Variants in KAZN observed in about 807,000 individuals in gnomAD.
KAZN encodes kazrin, periplakin interacting protein, also known as kazrin.
KAZN carries 40 observed loss-of-function variants against 87.4 expected under a neutral mutation model. That is an observed-to-expected ratio of 0.46 (90% CI 0.36 to 0.60). The LOEUF is 0.60. KAZN is among the 20% of genes least tolerant of loss of function. KAZN has a pLI of 0.00. For synonymous variants in KAZN, 466 were observed against 458.3 expected (o/e 1.02, Z -0.22); for missense variants, 898 against 1,073.9 (o/e 0.84, Z 2.29).
intron 2 of KAZN, among the ~76,000 whole-genome samples, chr1:14,429,125 G>A (rs1665904703): frequency 6.6e-6 from 1 of 152,090 alleles, no homozygotes; most frequent in Non-Finnish European, 1.5e-5. Context: ...TGTCATATAA[G>A]TTTTATGATC....
chr1:14,925,406 G>A (rs1659065735), intron 1 of KAZN, among the ~76,000 whole-genome samples: 1 of 152,146 alleles, frequency 6.6e-6, no homozygotes, highest in African/African-American at 2.4e-5. Context: ...GGAGGGGGAG[G>A]CACAACATAA....
intron 1 of KAZN, among the ~76,000 whole-genome samples, chr1:13,933,820 C>T (rs1308976897): frequency 6.6e-6 from 1 of 152,222 alleles, no homozygotes; most frequent in Non-Finnish European, 1.5e-5. Flanking sequence ...GGTAGACTAA[C>T]TTTCCTAAGC....
chr1:14,382,012 G>A (rs1270188881), intron 2 of KAZN, among the ~76,000 whole-genome samples: 1 of 152,146 alleles, frequency 6.6e-6, no homozygotes, highest in Non-Finnish European at 1.5e-5. Context: ...ACAAAAATCA[G>A]TAGCACTTAT....
In KAZN at chr1:13,990,982, C is replaced by CTCTTTTGT. The variant is rs537568017; in HGVS notation, c.91+97227_91+97228insCTTTTGTT. Among the ~76,000 whole-genome samples, 458 of 152,226 alleles carry CTCTTTTGT rather than the reference C, an allele frequency of 3.0e-3. 5 individuals are homozygous for CTCTTTTGT. The highest frequency in any genetic ancestry group is 5.4e-4 in the Non-Finnish European group (37 of 68,010). ...CCAAAAGTTTGGTGACTTATAACAA[C>CTCTTTTGT]TATTATTTTTCCGAGCTCTGTGGTT... On this transcript the variant is annotated intron_variant, in intron 1 of 16. Coordinates refer to the KAZN transcript ENST00000636203.
chr1:15,024,516 T>A (rs1670987697), intron 2 of KAZN, among the ~76,000 whole-genome samples: 1 of 152,204 alleles, frequency 6.6e-6, no homozygotes, highest in Non-Finnish European at 1.5e-5. Flanking sequence ...CATGTTCCAA[T>A]GATGCTGAGA....
intron 2 of KAZN, among the ~76,000 whole-genome samples, chr1:14,389,243 A>G (rs1218036583): frequency 1.3e-5 from 2 of 152,228 alleles, no homozygotes; most frequent in Non-Finnish European, 2.9e-5. Flanking sequence ...ACCCTCGTAC[A>G]TTGTAGATGG....
intron 2 of KAZN, among the ~76,000 whole-genome samples, chr1:14,263,272 T>C (rs1651220094): frequency 6.6e-6 from 1 of 152,172 alleles, no homozygotes; most frequent in African/African-American, 2.4e-5. Flanking sequence ...GTAATACAAA[T>C]GTCAGCTAAT....
At chr1:14,065,565 T>G (rs1642975095) in intron 1 of KAZN, among the ~76,000 whole-genome samples, 1 of 149,390 alleles carries the variant, frequency 6.7e-6, no homozygotes, top group Non-Finnish European at 1.5e-5. Context: ...AGAAATGCAT[T>G]TAAAAAAAAA....
chr1:13,921,856 C>T (rs1640080693), intron 1 of KAZN, among the ~76,000 whole-genome samples: 1 of 152,118 alleles, frequency 6.6e-6, no homozygotes, highest in African/African-American at 2.4e-5. Flanking sequence ...TGATCTCGAT[C>T]TCCTGACCTC....
chr1:14,827,537 A>G lies in KAZN; in HGVS notation c.227-133147A>G, dbSNP rs573057262. Among the ~76,000 whole-genome samples, 4 of 152,140 alleles carry G rather than the reference A, an allele frequency of 2.6e-5. No individual in the cohort carries two copies. The East Asian group carries it at 7.7e-4, about 29-fold the overall frequency. ...CTTTTCCATTAGGGGCAGGGATTTT[A>G]TTTGCCTCCCCCTGCACACTAGGCT... is the stretch of plus-strand genomic sequence containing the variant. On this transcript the variant is annotated intron_variant, in intron 1 of 14. Transcript: ENST00000376030.
chr1:14,919,311 G>A (rs1658238046), intron 1 of KAZN, among the ~76,000 whole-genome samples: 1 of 152,182 alleles, frequency 6.6e-6, no homozygotes, highest in African/African-American at 2.4e-5. Context: ...TGAGTAGCTG[G>A]GATGACAGGC....
intron 1 of KAZN, among the ~76,000 whole-genome samples, chr1:14,105,969 C>A (rs1644365361): frequency 6.6e-6 from 1 of 152,196 alleles, no homozygotes. Flanking sequence ...CCGCTCCTTG[C>A]AGCAATCTGG....
Position 14,950,522 on chromosome 1 carries a change from G to A in KAZN, c.227-10162G>A, listed in dbSNP as rs182918053. Among the ~76,000 whole-genome samples, 153 of 152,260 alleles carry A rather than the reference G, an allele frequency of 1.0e-3. 1 individual carries two copies. Among genetic ancestry groups the A allele is most frequent in the African/African-American group, 3.0e-3 (123 of 41,536 alleles). ...CTCAGGATGGCCAACAGAAACATGG[G>A]CTTGAGGCTGGCATTTTCCAGCCTA... On this transcript the variant is annotated intron_variant, in intron 1 of 14. Transcript: ENST00000376030.
chr1:14,262,222 C>CT (rs1348039580), intron 2 of KAZN, among the ~76,000 whole-genome samples: 4 of 151,822 alleles, frequency 2.6e-5, no homozygotes, highest in Non-Finnish European at 4.4e-5. Flanking sequence ...GAGACGAGCC[C>CT]TAGCAATATA....
intron 1 of KAZN, among the ~76,000 whole-genome samples, chr1:13,927,905 G>T (rs1414084275): frequency 6.6e-6 from 1 of 152,174 alleles, no homozygotes; most frequent in East Asian, 1.9e-4. Flanking sequence ...CATCAAGGAG[G>T]AGGGCATCCC....
intron 2 of KAZN, among the ~76,000 whole-genome samples, chr1:14,580,382 G>C (rs567663159): frequency 6.6e-6 from 1 of 152,252 alleles, no homozygotes; most frequent in South Asian, 2.1e-4. Flanking sequence ...GGCTGAGGCA[G>C]GAGAATTGCT....
In KAZN at chr1:14,726,734, C is replaced by T. The variant is rs57697835; in HGVS notation, c.226+127511C>T. Reference sequence around the variant, plus strand: ...AGTTCTCAAAGCAGGCTCCCCAGACCGGCAACATCTGCATCCCCGGGGAAC... The same window carrying T: ...AGTTCTCAAAGCAGGCTCCCCAGACTGGCAACATCTGCATCCCCGGGGAAC... On this transcript the variant is annotated intron_variant, in intron 1 of 14. Coordinates refer to ENST00000376030, the MANE Select transcript of KAZN (RefSeq NM_201628.3). Among the ~76,000 whole-genome samples the T allele has an allele frequency of 5.0e-3, 764 of 152,282 alleles. 8 individuals are homozygous for T. Among genetic ancestry groups the T allele is most frequent in the African/African-American group, 0.017 (688 of 41,540 alleles).
intron 8 of KAZN, among the ~76,000 whole-genome samples, chr1:15,069,835 C>T (rs1017267998): frequency 1.3e-5 from 2 of 152,208 alleles, no homozygotes; most frequent in African/African-American, 4.8e-5. Context: ...ACACAAGCTG[C>T]ATGACTGTAC....
chr1:15,020,357 A>G (rs1461116802), intron 2 of KAZN, among the ~76,000 whole-genome samples: 1 of 152,190 alleles, frequency 6.6e-6, no homozygotes, highest in Admixed American at 6.5e-5. Context: ...AACTGAATAT[A>G]CTGTGTAATC....
Sources: allele counts gnomAD v4.1 joint callset (sites outside exome capture counted in the v4.1 genomes callset), GRCh38; gene constraint gnomAD v4.1.1; transcripts MANE v1.5; gene names NCBI Gene and HGNC (gene_info 2026-07-23, HGNC 2026-07-21).